NTM: variants seen among roughly 807,000 people sequenced by gnomAD.
NTM encodes IgLON family member 2.
NTM carries 13 observed loss-of-function variants against 42.1 expected under a neutral mutation model. That is an observed-to-expected ratio of 0.31 (90% CI 0.20 to 0.49). The LOEUF is 0.49. NTM is among the 20% of genes least tolerant of loss of function. The pLI is 0.99. For synonymous variants in NTM, 187 were observed against 179.2 expected, an observed-to-expected ratio of 1.04 and a Z score of -0.35; for missense variants, 373 against 452.8, an observed-to-expected ratio of 0.82 and a Z score of 1.60.
chr11:131,625,810 C>G (rs1448065242), intron 1 of NTM, among the ~76,000 whole-genome samples: 1 of 152,162 alleles, frequency 6.6e-6, no homozygotes. Context: ...TGAGTGAGAT[C>G]ACAGAGATTC....
intron 2 of NTM, among the ~76,000 whole-genome samples, chr11:131,955,762 C>T (rs2061494402): frequency 6.6e-6 from 1 of 151,828 alleles, no homozygotes; most frequent in Admixed American, 6.6e-5. Flanking sequence ...GTGCCAGTGC[C>T]CCCACCAGGG....
chr11:132,186,330 C>A (rs1257361078), intron 3 of NTM, among the ~76,000 whole-genome samples: 1 of 152,208 alleles, frequency 6.6e-6, no homozygotes, highest in African/African-American at 2.4e-5. Flanking sequence ...CCAAGGGAAG[C>A]AGGCAGTGGA....
chr11:131,393,024 TC>T (rs1162134052), intron 1 of NTM, among the ~76,000 whole-genome samples: 5 of 152,092 alleles, frequency 3.3e-5, no homozygotes, highest in African/African-American at 9.7e-5. Flanking sequence ...CATCCTCATC[TC>T]CCTTCTACCC....
intron 1 of NTM, among the ~76,000 whole-genome samples, chr11:131,544,452 A>T (rs1403420245): frequency 6.6e-6 from 1 of 151,796 alleles, no homozygotes; most frequent in Admixed American, 6.6e-5. Flanking sequence ...CTACCAAATT[A>T]TCCCTGTTGT....
chr11:131,925,092 T>C (rs1470657472), intron 2 of NTM, among the ~76,000 whole-genome samples: 1 of 152,184 alleles, frequency 6.6e-6, no homozygotes, highest in African/African-American at 2.4e-5. Context: ...TGAAAACCAG[T>C]GACAAGGAAA....
intron 2 of NTM, among the ~76,000 whole-genome samples, chr11:131,943,659 C>A (rs914613922): frequency 2.6e-5 from 4 of 152,210 alleles, no homozygotes; most frequent in Non-Finnish European, 5.9e-5. Flanking sequence ...TCACTTTTCC[C>A]AGCTAGTTGG....
At chr11:131,794,503 C>T in intron 1 of NTM, 5 of 983,214 alleles carry the variant, frequency 5.1e-6, no homozygotes, top group Non-Finnish European at 6.0e-6. Flanking sequence ...CCTTGGGAGT[C>T]AGCCTAAGAA....
At chr11:131,880,221 T>C (rs1299949413) in intron 1 of NTM, among the ~76,000 whole-genome samples, 1 of 152,184 alleles carries the variant, frequency 6.6e-6, no homozygotes, top group African/African-American at 2.4e-5. Context: ...GACTTTTTTC[T>C]CCTTTTTTGA....
chr11:132,308,307 C>T (rs2095165897), intron 5 of NTM, among the ~76,000 whole-genome samples: 1 of 152,090 alleles, frequency 6.6e-6, no homozygotes, highest in African/African-American at 2.4e-5. Context: ...TATAGATGTG[C>T]ATGGTATACA....
At chr11:132,222,003 C>T (rs145943942) in intron 4 of NTM, among the ~76,000 whole-genome samples, 11 of 152,264 alleles carry the variant, frequency 7.2e-5, no homozygotes, top group East Asian at 1.9e-4. Context: ...TTGGGGCACC[C>T]GGTCTTTGGG....
chr11:131,833,717 A>G (rs2043116630), intron 1 of NTM, among the ~76,000 whole-genome samples: 1 of 152,148 alleles, frequency 6.6e-6, no homozygotes, highest in Admixed American at 6.5e-5. Context: ...CCTGTACCCT[A>G]AAGGAAGGAG....
chr11:131,487,021 C>G (rs1565553843), intron 1 of NTM, among the ~76,000 whole-genome samples: 1 of 152,090 alleles, frequency 6.6e-6, no homozygotes, highest in Non-Finnish European at 1.5e-5. Context: ...TCAGTAGCAC[C>G]ACGCACCCAC....
At chr11:132,001,198 A>G (rs2846130) in intron 2 of NTM, among the ~76,000 whole-genome samples, 1 of 152,234 alleles carries the variant, frequency 6.6e-6, no homozygotes, top group Admixed American at 6.5e-5. Context: ...GGTCCCTTTA[A>G]GTTTAGCAAA....
intron 2 of NTM, among the ~76,000 whole-genome samples, chr11:132,067,506 G>T (rs540131955): frequency 6.6e-6 from 1 of 152,180 alleles, no homozygotes; most frequent in South Asian, 2.1e-4. Flanking sequence ...CTGTTCACTT[G>T]TTGACCTGTG....
intron 4 of NTM, among the ~76,000 whole-genome samples, chr11:132,245,278 G>A (rs1190732628): frequency 6.6e-6 from 1 of 152,100 alleles, no homozygotes; most frequent in Non-Finnish European, 1.5e-5. Flanking sequence ...CGGGGGAGAG[G>A]TCAGAAATAA....
intron 1 of NTM, among the ~76,000 whole-genome samples, chr11:131,885,159 C>G (rs866294709): frequency 1.3e-5 from 2 of 152,162 alleles, no homozygotes; most frequent in South Asian, 2.1e-4. Context: ...ACACCTCACC[C>G]GGGAAGCAGA....
At chr11:131,820,491 AT>A (rs1454795480) in intron 1 of NTM, among the ~76,000 whole-genome samples, 1 of 152,244 alleles carries the variant, frequency 6.6e-6, no homozygotes, top group African/African-American at 2.4e-5. Flanking sequence ...ATTTAGACAT[AT>A]AAAAAAGGAT....
chr11:131,782,477 AAAG>A (rs1362609264), intron 1 of NTM, among the ~76,000 whole-genome samples: 2 of 152,110 alleles, frequency 1.3e-5, no homozygotes, highest in Non-Finnish European at 2.9e-5. Context: ...AATAGAGAAA[AAAG>A]AAACACTTCT....
chr11:131,375,674 G>A (rs1290689045), intron 1 of NTM, among the ~76,000 whole-genome samples: 2 of 152,164 alleles, frequency 1.3e-5, no homozygotes, highest in Admixed American at 6.5e-5. Flanking sequence ...TGGAGCTGGA[G>A]GTAGGAGTTT....
Sources: gnomAD v4.1 joint callset for allele counts (sites outside exome capture counted in the v4.1 genomes callset) on GRCh38, gnomAD v4.1.1 for gene constraint, MANE v1.5 for transcripts, NCBI Gene and HGNC (gene_info 2026-07-23, HGNC 2026-07-21) for gene names.